The following NPAS3 variants were observed in gnomAD, a reference collection of about 807,000 sequenced individuals.
NPAS3 encodes the protein neuronal PAS domain protein 3, also known as neuronal PAS domain-containing protein 3.
Under a neutral mutation model 73.1 loss-of-function variants are expected in NPAS3, and 14 were observed. The observed-to-expected ratio is 0.19, with a 90% CI of 0.13 to 0.30. NPAS3 has a LOEUF of 0.30. Ranked by LOEUF, NPAS3 falls within the 10% of genes least tolerant of loss-of-function variation. The pLI is 1.00. For synonymous variants in NPAS3, 620 were observed against 541.5 expected, an observed-to-expected ratio of 1.14 and a Z score of -2.01; for missense variants, 1,096 against 1,250.0, an observed-to-expected ratio of 0.88 and a Z score of 1.86.
At chr14:33,058,125 T>TA (rs11409227) in intron 2 of NPAS3, among the ~76,000 whole-genome samples, 28,730 of 145,144 alleles carry the variant, frequency 0.2, 2,891 homozygotes, top group African/African-American at 0.25. Flanking sequence ...AAATGTATTG[T>TA]AAAAAAAAAA....
intron 1 of NPAS3, among the ~76,000 whole-genome samples, chr14:33,023,626 A>T (rs1566476507): frequency 6.6e-6 from 1 of 152,236 alleles, no homozygotes; most frequent in Non-Finnish European, 1.5e-5. Flanking sequence ...AAGAGTATTC[A>T]GAATACATCC....
chr14:33,011,054 T>C (rs2139644169), intron 1 of NPAS3, among the ~76,000 whole-genome samples: 2 of 152,248 alleles, frequency 1.3e-5, no homozygotes, highest in East Asian at 3.9e-4. Context: ...GTAATGGCAG[T>C]TACTGTGGTG....
chr14:33,524,483 T>A (rs1021271498), intron 4 of NPAS3, among the ~76,000 whole-genome samples: 1 of 152,332 alleles, frequency 6.6e-6, no homozygotes, highest in Admixed American at 6.5e-5. Context: ...ATTCACAGAA[T>A]GACTTGCTCC....
chr14:33,660,803 G>A (rs183607378), intron 5 of NPAS3, among the ~76,000 whole-genome samples: 16 of 152,162 alleles, frequency 1.1e-4, no homozygotes, highest in East Asian at 7.7e-4. Context: ...TGTTTTATTC[G>A]TCTCTGTTTT....
intron 4 of NPAS3, among the ~76,000 whole-genome samples, chr14:33,475,099 C>G (rs1392097957): frequency 6.6e-6 from 1 of 151,894 alleles, no homozygotes; most frequent in Non-Finnish European, 1.5e-5. Context: ...TTTTTTCAAG[C>G]CACATAGATG....
At chr14:33,188,192 G>A (rs2046048318) in intron 2 of NPAS3, among the ~76,000 whole-genome samples, 2 of 152,176 alleles carry the variant, frequency 1.3e-5, no homozygotes, top group South Asian at 4.1e-4. Context: ...CATATAGTAA[G>A]TACTGAATAA....
chr14:33,583,302 C>A (rs146834327), intron 5 of NPAS3: 12 of 152,160 alleles, frequency 7.9e-5, no homozygotes, highest in Admixed American at 7.9e-4. Flanking sequence ...GGGTTCCAGT[C>A]GCACCTACAG....
intron 1 of NPAS3, among the ~76,000 whole-genome samples, chr14:33,016,038 T>C (rs746821055): frequency 1.3e-5 from 2 of 151,954 alleles, no homozygotes; most frequent in African/African-American, 2.4e-5. Context: ...GGTATAGTAA[T>C]GTCAGGGAAT....
At chr14:33,341,043 A>T (rs1407011533) in intron 3 of NPAS3, among the ~76,000 whole-genome samples, 1 of 152,242 alleles carries the variant, frequency 6.6e-6, no homozygotes, top group Non-Finnish European at 1.5e-5. Context: ...TGTAATACAT[A>T]GTTGAACTGT....
At chr14:33,371,463 T>C (rs2046083939) in intron 4 of NPAS3, among the ~76,000 whole-genome samples, 1 of 152,158 alleles carries the variant, frequency 6.6e-6, no homozygotes, top group African/African-American at 2.4e-5. Flanking sequence ...GGAAAAGAGA[T>C]GAAAACCTAA....
intron 1 of NPAS3, among the ~76,000 whole-genome samples, chr14:33,045,083 G>A (rs1474931743): frequency 6.6e-6 from 1 of 152,130 alleles, no homozygotes; most frequent in Non-Finnish European, 1.5e-5. Flanking sequence ...GTACATTAAG[G>A]CCCAACCTGG....
intron 4 of NPAS3, among the ~76,000 whole-genome samples, chr14:33,466,880 C>T (rs1347779326): frequency 6.6e-6 from 1 of 152,164 alleles, no homozygotes; most frequent in African/African-American, 2.4e-5. Context: ...CCACCTCCGA[C>T]ACTGGGGATT....
At chr14:33,323,058 T>G (rs1594689846) in intron 3 of NPAS3, among the ~76,000 whole-genome samples, 1 of 152,198 alleles carries the variant, frequency 6.6e-6, no homozygotes, top group Non-Finnish European at 1.5e-5. Flanking sequence ...AAAGGGGCCA[T>G]GTGTAACTCA....
chr14:33,429,202 T>A (rs1373430845), intron 4 of NPAS3, among the ~76,000 whole-genome samples: 1 of 152,108 alleles, frequency 6.6e-6, no homozygotes, highest in Non-Finnish European at 1.5e-5. Context: ...TTGGTATTAG[T>A]CAAAAGAACC....
At chr14:33,634,514 G>A (rs1457524515) in intron 5 of NPAS3, among the ~76,000 whole-genome samples, 6 of 152,292 alleles carry the variant, frequency 3.9e-5, no homozygotes, top group South Asian at 2.1e-4. Context: ...CATAGTCCAC[G>A]TATAAAAAAG....
At chr14:33,371,025 T>G (rs2046063547) in intron 4 of NPAS3, among the ~76,000 whole-genome samples, 1 of 152,036 alleles carries the variant, frequency 6.6e-6, no homozygotes, top group Non-Finnish European at 1.5e-5. Context: ...TAAGAATGGG[T>G]TACAGCCCTA....
intron 5 of NPAS3, among the ~76,000 whole-genome samples, chr14:33,655,043 A>T (rs1045798636): frequency 4.6e-5 from 7 of 152,232 alleles, no homozygotes; most frequent in Non-Finnish European, 8.8e-5. Flanking sequence ...AGGTGGATGT[A>T]ACTGCCTCCA....
chr14:33,199,417 C>A (rs1186624259), intron 2 of NPAS3, among the ~76,000 whole-genome samples: 3 of 152,114 alleles, frequency 2.0e-5, no homozygotes, highest in Non-Finnish European at 4.4e-5. Flanking sequence ...ATGGTTCTTC[C>A]ATGTAGGCAG....
At chr14:33,075,245 G>A (rs1243633219) in intron 2 of NPAS3, among the ~76,000 whole-genome samples, 2 of 151,972 alleles carry the variant, frequency 1.3e-5, no homozygotes, top group African/African-American at 2.4e-5. Context: ...ATTTTCTTAG[G>A]GTCCCTCTAT....
Sources: allele counts gnomAD v4.1 joint callset (sites outside exome capture counted in the v4.1 genomes callset), GRCh38; gene constraint gnomAD v4.1.1; transcripts MANE v1.5; gene names NCBI Gene and HGNC (gene_info 2026-07-23, HGNC 2026-07-21).